Variants in ZNF821 observed in about 807,000 individuals in gnomAD.
ZNF821 encodes zinc finger protein 821.
ZNF821 carries 16 observed loss-of-function variants against 44.3 expected under a neutral mutation model. That is an observed-to-expected ratio of 0.36 (90% CI 0.24 to 0.55). The LOEUF is 0.55. Among genes scored for constraint, ZNF821 ranks in the 20% least tolerant of loss-of-function variants. The pLI is 0.86. For missense variants in ZNF821, 436 were observed against 547.6 expected (o/e 0.80, Z 2.03); for synonymous variants, 204 against 197.6 (o/e 1.03, Z -0.27).
intron 3 of ZNF821, among the ~76,000 whole-genome samples, chr16:71,875,269 TC>T (rs976523145): frequency 1.3e-5 from 2 of 152,118 alleles, no homozygotes; most frequent in Non-Finnish European, 2.9e-5. Flanking sequence ...GGCCTGTTTT[TC>T]CATCTGTTTT....
At chr16:71,888,793 A>T (rs2036871341), upstream of ZNF821, among the ~76,000 whole-genome samples, 1 of 152,236 alleles carries the variant, frequency 6.6e-6, no homozygotes, top group Non-Finnish European at 1.5e-5. Context: ...GATTACAATG[A>T]TGATAAATGT....
intron 3 of ZNF821, among the ~76,000 whole-genome samples, chr16:71,872,526 T>A (rs1228699594): frequency 6.6e-6 from 1 of 151,880 alleles, no homozygotes; most frequent in African/African-American, 2.4e-5. Context: ...GGCAGGAGAA[T>A]GGAGTGAACT....
At chr16:71,865,963 T>A (rs2034492925) in intron 4 of ZNF821, among the ~76,000 whole-genome samples, 1 of 152,074 alleles carries the variant, frequency 6.6e-6, no homozygotes, top group South Asian at 2.1e-4. Flanking sequence ...ACTTATAAAA[T>A]AGAAAATGAA....
chr16:71,886,486 C>G (rs1428743431), upstream of ZNF821, among the ~76,000 whole-genome samples: 1 of 152,038 alleles, frequency 6.6e-6, no homozygotes, highest in Admixed American at 6.6e-5. Context: ...TTCTACTTTC[C>G]CAATCTACTC....
intron 3 of ZNF821, among the ~76,000 whole-genome samples, chr16:71,878,730 G>C (rs2036116630): frequency 6.6e-6 from 1 of 152,032 alleles, no homozygotes; most frequent in Non-Finnish European, 1.5e-5. Context: ...AGGAGTTCAA[G>C]GCCAGCCTCG....
chr16:71,893,201 G>T (rs1439640077), intron 1 of ZNF821, among the ~76,000 whole-genome samples: 39 of 148,966 alleles, frequency 2.6e-4, no homozygotes, highest in African/African-American at 9.6e-4. Flanking sequence ...ATTTTTTTTT[G>T]TATTGTTGGT....
chr16:71,874,599 G>A (rs1355321595), intron 3 of ZNF821, among the ~76,000 whole-genome samples: 3 of 151,874 alleles, frequency 2.0e-5, no homozygotes, highest in Non-Finnish European at 2.9e-5. Context: ...GATTACAGGC[G>A]TGTGTCACCA....
rs939467515 is a variant in ZNF821 at position 71,865,392 on chromosome 16, C to T, written c.167-344G>A. On this transcript the variant is annotated intron_variant, in intron 4 of 7. Coordinates refer to ENST00000425432, the MANE Select transcript of ZNF821 (RefSeq NM_001201552.2). The stretch of plus-strand genomic sequence containing the variant: ...GCACCTTACACTGAGCTCATTCCCA[C>T]TGTACACCACCTCTGACTTACCAAC... Among the ~76,000 whole-genome samples, 8 of 152,306 alleles carry T rather than the reference C, an allele frequency of 5.3e-5. No homozygotes were observed. In the South Asian group the frequency reaches 1.2e-3, roughly 24 times the overall value.
chr16:71,868,921 C>CA (rs1191311649), intron 3 of ZNF821, among the ~76,000 whole-genome samples: 2 of 152,134 alleles, frequency 1.3e-5, no homozygotes, highest in Non-Finnish European at 2.9e-5. Flanking sequence ...CTCGGCCTCC[C>CA]AAAGTGCTGG....
intron 6 of ZNF821, among the ~76,000 whole-genome samples, chr16:71,863,103 C>T (rs2034102990): frequency 6.6e-6 from 1 of 151,984 alleles, no homozygotes; most frequent in African/African-American, 2.4e-5. Flanking sequence ...ACCATGTTGG[C>T]CAGGCTGGTC....
In ZNF821 at chr16:71,860,415, T is replaced by G. The variant is rs1291535432; in HGVS notation, c.842A>C (p.Lys281Thr). The G allele has an allele frequency of 6.2e-7, 1 of 1,613,280 alleles. No individual in the cohort carries two copies. The highest frequency in any genetic ancestry group is 8.5e-7 in the Non-Finnish European group (1 of 1,180,038). The stretch of plus-strand genomic sequence containing the variant: ...GGTCTCATTGTCCCGCCGGCTCTTC[T>G]TGGCCGTGCGCTCTCGTTCCAGCCG... ...LQRLERERTA[K>T]KSRRDNETPE... Residue 281 changes from lysine to threonine, a missense_variant, in exon 8 of 8, where the codon AAG (lysine) becomes ACG (threonine). This residue lies in a region of ZNF821 where 68 missense variants were observed against 57.0 expected (regional missense o/e 1.19). Transcript: ENST00000425432. This position sits in a 1 kb window ranked among gnomAD's most constrained non-coding sequence, Gnocchi z 7.3.
Position 71,871,574 on chromosome 16 carries a change from G to T in ZNF821, c.41-3537C>A, listed in dbSNP as rs566996637. Among the ~76,000 whole-genome samples the T allele has an allele frequency of 5.3e-5, 8 of 152,262 alleles. 1 individual carries two copies. In the South Asian group the frequency reaches 1.2e-3, roughly 24 times the overall value. ...CTATGGAGATACTAGTGATTAAGAA[G>T]TGTTACAGAACTGCCTATTTTTATA... On this transcript the variant is annotated intron_variant, in intron 3 of 7. Coordinates refer to ENST00000425432, the MANE Select transcript of ZNF821 (RefSeq NM_001201552.2).
chr16:71,874,100 A>G (rs1455848087), intron 3 of ZNF821, among the ~76,000 whole-genome samples: 1 of 151,602 alleles, frequency 6.6e-6, no homozygotes, highest in East Asian at 1.9e-4. Flanking sequence ...CTGGGATTAC[A>G]GGCACCCGCC....
chr16:71,865,046 C>T lies in ZNF821; in HGVS notation c.169G>A (p.Asp57Asn). Residue 57 changes from aspartate to asparagine, a missense_variant and splice_region_variant, in exon 5 of 8, where the codon GAC (aspartate) becomes AAC (asparagine). By Grantham distance (23) the Asp-to-Asn change is conservative. Transcript: ENST00000425432. The part of the protein sequence containing the change: ...QLRDQDSSSS[D>N]SEGDEEETTQ... ...GTCTCCTCTTCATCACCCTCACTGT[C>T]ACCTGGAACACACAAACTGGTCACT... 2 of 1,614,210 alleles carry T rather than the reference C, an allele frequency of 1.2e-6. No individual in the cohort carries two copies. The highest frequency in any genetic ancestry group is 1.7e-5 in the Admixed American group (1 of 60,026).
intron 2 of ZNF821, among the ~76,000 whole-genome samples, chr16:71,882,655 A>G (rs2036551021): frequency 6.6e-6 from 1 of 152,214 alleles, no homozygotes. Context: ...AAAAATAAGC[A>G]ATTACAGTCC....
At chr16:71,892,178 CAA>C (rs560376648) in intron 1 of ZNF821, among the ~76,000 whole-genome samples, 2 of 31,936 alleles carry the variant, frequency 6.3e-5, no homozygotes, top group East Asian at 3.2e-3. Context: ...AACTCCGTCT[CAA>C]AAAAAAAAAA....
At chr16:71,866,155 G>A (rs1056329652) in intron 4 of ZNF821, among the ~76,000 whole-genome samples, 2 of 152,150 alleles carry the variant, frequency 1.3e-5, no homozygotes, top group African/African-American at 4.8e-5. Flanking sequence ...GAAATATAGG[G>A]CAGAGTCTCA....
intron 7 of ZNF821, 150 bp downstream of exon 7, chr16:71,861,626 A>AT: frequency 1.2e-6 from 1 of 848,554 alleles, no homozygotes; most frequent in Non-Finnish European, 1.8e-6. Flanking sequence ...GGGAATAGGC[A>AT]TATTTCCTAG....
At chr16:71,870,813 G>A (rs945722468) in intron 3 of ZNF821, among the ~76,000 whole-genome samples, 3 of 152,074 alleles carry the variant, frequency 2.0e-5, no homozygotes, top group African/African-American at 4.8e-5. Context: ...GAATTCTTTC[G>A]GGTAGGTGCA....
Sources: allele counts gnomAD v4.1 joint callset (sites outside exome capture counted in the v4.1 genomes callset), GRCh38; gene constraint gnomAD v4.1.1; regional missense constraint gnomAD v4.1.1; non-coding constraint Gnocchi (gnomAD v3.1); transcripts MANE v1.5; gene names NCBI Gene and HGNC (gene_info 2026-07-23, HGNC 2026-07-21).